The following CHL1 variants were observed in gnomAD, a reference collection of about 807,000 sequenced individuals.
The protein encoded by CHL1 is cell adhesion molecule L1 like.
A neutral mutation model predicts 141.9 loss-of-function variants in CHL1; 96 were observed. That is an observed-to-expected ratio of 0.68 (90% CI 0.57 to 0.80). The LOEUF is 0.80. Ranked by LOEUF, CHL1 falls within the 30% of genes least tolerant of loss-of-function variation. The pLI is 0.00. For missense variants in CHL1, 1,820 were observed against 1,457.2 expected (o/e 1.25, Z -4.05); for synonymous variants, 613 against 502.2 (o/e 1.22, Z -2.95).
At chr3:212,925 A>G (rs1700018239) in intron 1 of CHL1, among the ~76,000 whole-genome samples, 1 of 152,256 alleles carries the variant, frequency 6.6e-6, no homozygotes, top group Admixed American at 6.5e-5. Context: ...TTCACTTAAG[A>G]TTTTAACTGG....
At chr3:228,396 T>C (rs916785946) in intron 1 of CHL1, among the ~76,000 whole-genome samples, 15 of 152,100 alleles carry the variant, frequency 9.9e-5, no homozygotes, top group African/African-American at 3.6e-4. Flanking sequence ...TTTGCACAAC[T>C]TTTTATGTAG....
chr3:338,727 C>T (rs1391083485), intron 5 of CHL1, among the ~76,000 whole-genome samples: 4 of 152,122 alleles, frequency 2.6e-5, no homozygotes, highest in East Asian at 3.8e-4. Flanking sequence ...TTATGGCACG[C>T]GATAGCAGTT....
At chr3:370,751 A>G (rs908795631) in intron 15 of CHL1, among the ~76,000 whole-genome samples, 2 of 152,182 alleles carry the variant, frequency 1.3e-5, no homozygotes, top group Non-Finnish European at 2.9e-5. Context: ...TTAGTGCTAT[A>G]AATTTCCCTC....
intron 2 of CHL1, among the ~76,000 whole-genome samples, chr3:290,633 C>T (rs1359137884): frequency 1.3e-5 from 2 of 152,152 alleles, no homozygotes; most frequent in East Asian, 3.9e-4. Flanking sequence ...GACCCTGGCC[C>T]TGTTCCTAGA....
rs533179829 is a variant in CHL1, at chr3:220,822, A to G, written c.-175+23759A>G. Among the ~76,000 whole-genome samples the G allele has an allele frequency of 1.3e-4, 20 of 152,362 alleles. No individual in the cohort carries two copies. The South Asian group carries it at 3.1e-3, about 24-fold the overall frequency. ...TCTGTTGGTGTGAGTGGACAGTGGC[A>G]TAACCTCCTTTTAGAGGAGGAATTT... On this transcript the variant is annotated intron_variant, in intron 1 of 27. Coordinates refer to ENST00000256509, the MANE Select transcript of CHL1 (RefSeq NM_006614.4).
chr3:240,965 T>G (rs1692503903), intron 1 of CHL1, among the ~76,000 whole-genome samples: 1 of 152,210 alleles, frequency 6.6e-6, no homozygotes, highest in African/African-American at 2.4e-5. Flanking sequence ...TGTGCCTAGT[T>G]TTATACAAGT....
At chr3:288,433 G>A (rs536635715) in intron 2 of CHL1, among the ~76,000 whole-genome samples, 20 of 152,196 alleles carry the variant, frequency 1.3e-4, no homozygotes, top group African/African-American at 4.8e-4. Context: ...TGCTACTAAT[G>A]TACAATATAT....
In CHL1 at chr3:337,733, T is replaced by C. The variant is rs143105834; in HGVS notation, c.386-3061T>C. The stretch of plus-strand genomic sequence containing the variant: ...TGGCTTCATAGTATTCCATGGTGTA[T>C]ATGTGCCACATTTTCTTAATCCAGT... On this transcript the variant is annotated intron_variant, in intron 5 of 27. Coordinates refer to ENST00000256509, the MANE Select transcript of CHL1 (RefSeq NM_006614.4). Among the ~76,000 whole-genome samples the C allele has an allele frequency of 5.4e-3, 823 of 152,318 alleles. 4 individuals are homozygous for C. The highest frequency in any genetic ancestry group is 7.5e-3 in the Non-Finnish European group (511 of 68,030).
At chr3:246,579 T>C (rs898216066) in intron 2 of CHL1, 2 of 152,124 alleles carry the variant, frequency 1.3e-5, no homozygotes, top group Admixed American at 1.3e-4. Context: ...ATCTCTTGTT[T>C]GGAAATTTCC....
intron 10 of CHL1, among the ~76,000 whole-genome samples, chr3:353,802 C>T (rs531011698): frequency 3.3e-4 from 51 of 152,300 alleles, no homozygotes; most frequent in African/African-American, 1.1e-3. Context: ...ATGGGAGTTG[C>T]TACCTGCAGG....
chr3:381,163 AC>A (rs1258080166), intron 16 of CHL1, among the ~76,000 whole-genome samples: 1 of 152,128 alleles, frequency 6.6e-6, no homozygotes, highest in African/African-American at 2.4e-5. Flanking sequence ...GTCAAGGATA[AC>A]CCCTTGAGAC....
intron 2 of CHL1, among the ~76,000 whole-genome samples, chr3:249,244 G>A (rs1003132548): frequency 6.6e-6 from 1 of 152,132 alleles, no homozygotes; most frequent in Non-Finnish European, 1.5e-5. Context: ...TGATGAAGCA[G>A]GGCATTAAAA....
intron 2 of CHL1, among the ~76,000 whole-genome samples, chr3:260,712 A>G (rs1694640286): frequency 6.6e-6 from 1 of 152,264 alleles, no homozygotes; most frequent in Admixed American, 6.5e-5. Context: ...CTTTGAAGTT[A>G]AAGGTGGAAA....
chr3:261,758 A>G (rs987534660), intron 2 of CHL1, among the ~76,000 whole-genome samples: 3 of 152,180 alleles, frequency 2.0e-5, no homozygotes, highest in Non-Finnish European at 4.4e-5. Context: ...ATTTATAAAG[A>G]GAAATAAATT....
chr3:293,331 G>A (rs1697875246), intron 2 of CHL1, among the ~76,000 whole-genome samples: 1 of 151,980 alleles, frequency 6.6e-6, no homozygotes, highest in Non-Finnish European at 1.5e-5. Flanking sequence ...GGGAAAACTT[G>A]TCTCTACTAA....
At chr3:234,155 C>G (rs1039272972) in intron 1 of CHL1, among the ~76,000 whole-genome samples, 7 of 150,980 alleles carry the variant, frequency 4.6e-5, no homozygotes, top group Admixed American at 6.7e-5. Context: ...TATTATTTTA[C>G]AGATGATGTC....
chr3:391,429 T>C (rs576690345), intron 22 of CHL1, among the ~76,000 whole-genome samples: 1 of 152,274 alleles, frequency 6.6e-6, no homozygotes, highest in Non-Finnish European at 1.5e-5. Flanking sequence ...GGCAGGAGAA[T>C]CACTTGAACC....
chr3:365,835 C>T (rs1033363406), intron 14 of CHL1, 115 bp from the exon 15 acceptor site: 25 of 686,372 alleles, frequency 3.6e-5, no homozygotes, highest in Non-Finnish European at 3.3e-5. Context: ...TGGGACAAAC[C>T]CTGCATGAGG....
intron 15 of CHL1, among the ~76,000 whole-genome samples, chr3:370,412 A>C (rs1705477686): frequency 6.6e-6 from 1 of 151,682 alleles, no homozygotes; most frequent in Admixed American, 6.6e-5. Flanking sequence ...CTTTGATGGT[A>C]GTTTGCATTT....
Sources: gnomAD v4.1 joint callset for allele counts (sites outside exome capture counted in the v4.1 genomes callset) on GRCh38, gnomAD v4.1.1 for gene constraint, MANE v1.5 for transcripts, NCBI Gene and HGNC (gene_info 2026-07-23, HGNC 2026-07-21) for gene names.